SAMD12: variants seen among roughly 807,000 people sequenced by gnomAD.
SAMD12 encodes the protein sterile alpha motif domain containing 12.
In SAMD12, 9 loss-of-function variants were observed where a neutral mutation model predicts 15.0. The ratio of observed to expected loss-of-function variants is 0.60; its 90% CI spans 0.36 to 1.05. SAMD12 has a LOEUF of 1.05. Among genes scored for constraint, SAMD12 ranks in the 50% least tolerant of loss-of-function variants. The probability of loss-of-function intolerance (pLI) is 0.01; values close to 1 mark genes in which losing one functional copy is unlikely to be tolerated. For synonymous variants in SAMD12, 86 were observed against 90.1 expected (o/e 0.96, Z 0.25); for missense variants, 230 against 234.2 (o/e 0.98, Z 0.12).
chr8:118,440,270 T>G (rs1414509098), intron 2 of SAMD12, among the ~76,000 whole-genome samples: 1 of 152,036 alleles, frequency 6.6e-6, no homozygotes, highest in African/African-American at 2.4e-5. Context: ...AAGCAATTAA[T>G]TACATTAAAG....
chr8:118,282,358 G>A, intron 4 of SAMD12: 1 of 456,184 alleles, frequency 2.2e-6, no homozygotes, highest in South Asian at 1.5e-5. Flanking sequence ...CCTTCTCAAT[G>A]CTCTCGTATA....
chr8:118,522,438 G>A (rs1053084270), intron 2 of SAMD12, among the ~76,000 whole-genome samples: 2 of 152,108 alleles, frequency 1.3e-5, no homozygotes, highest in African/African-American at 2.4e-5. Context: ...AAGAATGAGT[G>A]CCCACACAGA....
intron 2 of SAMD12, among the ~76,000 whole-genome samples, chr8:118,514,938 G>A (rs112823202): frequency 1.1e-4 from 17 of 152,282 alleles, no homozygotes; most frequent in African/African-American, 3.6e-4. Context: ...TGGATCATGC[G>A]AACAAACTTC....
In SAMD12 at chr8:118,359,025, G is replaced by A. The variant is rs201873919; in HGVS notation, c.433+20535C>T. ...AAACTGTGTGTGTGTGTGTGTGTGT[G>A]TATATATATATATGTGTGTATTCTC... On this transcript the variant is annotated intron_variant, in intron 4 of 4. Transcript: ENST00000409003. Among the ~76,000 whole-genome samples, 1,327 of 146,818 alleles carry A rather than the reference G, an allele frequency of 9.0e-3. 5 individuals are homozygous for A. Among genetic ancestry groups the A allele is most frequent in the Middle Eastern group, 0.031 (9 of 286 alleles).
chr8:118,531,608 C>A (rs926267353), intron 2 of SAMD12, among the ~76,000 whole-genome samples: 12 of 152,178 alleles, frequency 7.9e-5, no homozygotes, highest in Non-Finnish European at 1.2e-4. Context: ...TTTTGTTGAG[C>A]AGTAGTTTGT....
rs1167200799 is a variant in SAMD12, at chr8:118,580,826, T to A, written c.81A>T (p.Gln27His). The A allele has an allele frequency of 1.2e-6, 2 of 1,613,092 alleles. No homozygotes were observed. Among genetic ancestry groups the A allele is most frequent in the African/African-American group, 2.7e-5 (2 of 74,846 alleles). ...HPAHAEGIKLQIEGEGVESQS... is the reference protein window; with the variant it reads ...HPAHAEGIKLHIEGEGVESQS... ...GAGATTCCACACCTTCACCTTCAATTTGCAGTTTAATACCTTCAGCATGGG... is the reference window on the plus strand; with the variant it reads ...GAGATTCCACACCTTCACCTTCAATATGCAGTTTAATACCTTCAGCATGGG... The change falls in exon 2 of 4, where the codon CAA becomes CAT. Residue 27 changes from glutamine (Q) to histidine (H), a missense_variant. By Grantham distance (24) the Gln-to-His change is conservative. Coordinates refer to ENST00000314727, the MANE Select transcript of SAMD12 (RefSeq NM_207506.3).
chr8:118,369,436 C>A (rs756134110), intron 4 of SAMD12, among the ~76,000 whole-genome samples: 10 of 152,128 alleles, frequency 6.6e-5, no homozygotes, highest in Non-Finnish European at 1.5e-4. Context: ...TGAACGTAGG[C>A]CAGGCACAGT....
In SAMD12 at chr8:118,509,150, A is replaced by G. The variant is rs570445143; in HGVS notation, c.193-69189T>C. Among the ~76,000 whole-genome samples the G allele has an allele frequency of 3.9e-5, 6 of 152,302 alleles. No homozygotes were observed. The South Asian group carries it at 1.2e-3, about 32-fold the overall frequency. The stretch of plus-strand genomic sequence containing the variant: ...TGATCCTGAGTTGATCATTCTGAAG[A>G]GGCAAAAAGATCATGTGTCTAGTCA... On this transcript the variant is annotated intron_variant, in intron 2 of 3. Coordinates refer to ENST00000314727, the MANE Select transcript of SAMD12 (RefSeq NM_207506.3).
chr8:118,158,875 C>T, the SAMD12 span, among the ~76,000 whole-genome samples: 1 of 152,090 alleles, frequency 6.6e-6, no homozygotes, highest in East Asian at 1.9e-4. Context: ...GACAACCTGC[C>T]TGCAGAAAGG....
chr8:118,452,757 T>C (rs981818547), intron 2 of SAMD12, among the ~76,000 whole-genome samples: 7 of 152,230 alleles, frequency 4.6e-5, no homozygotes, highest in Non-Finnish European at 8.8e-5. Context: ...GTAAAAAACA[T>C]GAACTTCTTG....
chr8:118,256,779 T>TACACACACACAC lies in SAMD12; in HGVS notation c.434-59059_434-59048dup, dbSNP rs3052764. ...CTTAATGTAATATATCTGCATAAGATACACACACACACACACACACACACA... is the reference window on the plus strand; with the variant it reads ...CTTAATGTAATATATCTGCATAAGATACACACACACACACACACACACACACACACACACACA... On this transcript the variant is annotated intron_variant, in intron 4 of 4. Transcript: ENST00000409003. 6.7e-4 allele frequency among the ~76,000 whole-genome samples: 94 copies of TACACACACACAC among 139,882 alleles called. 2 individuals carry two copies. The highest frequency in any genetic ancestry group is 2.1e-3 in the Admixed American group (29 of 13,602). The allele number at this position is 139,882 out of a possible 152,430, so 91.8% of individuals were successfully genotyped here. A position where few individuals can be genotyped will look rare whatever the true frequency, so the allele number is the denominator to read the frequency against.
chr8:118,534,730 C>T (rs1206508085), intron 2 of SAMD12, among the ~76,000 whole-genome samples: 9 of 152,292 alleles, frequency 5.9e-5, no homozygotes, highest in Admixed American at 1.3e-4. Flanking sequence ...TCCAGTTGAT[C>T]GAATCGGCTA....
At chr8:118,415,400 T>C (rs1445790053) in intron 3 of SAMD12, among the ~76,000 whole-genome samples, 5 of 150,972 alleles carry the variant, frequency 3.3e-5, no homozygotes, top group South Asian at 4.2e-4. Context: ...TTCAACCAAC[T>C]GGAGAAAATG....
chr8:118,179,134 G>A, the SAMD12 span, among the ~76,000 whole-genome samples: 48 of 152,208 alleles, frequency 3.2e-4, no homozygotes, highest in African/African-American at 1.1e-3. Context: ...ATTATCGGAC[G>A]TGAAAGTAAA....
chr8:118,139,724 T>C, the SAMD12 span, among the ~76,000 whole-genome samples: 1 of 152,326 alleles, frequency 6.6e-6, no homozygotes, highest in African/African-American at 2.4e-5. Context: ...TCTATCTGGC[T>C]ACAATAATAA....
chr8:118,158,733 C>T, the SAMD12 span, among the ~76,000 whole-genome samples: 2 of 152,172 alleles, frequency 1.3e-5, no homozygotes, highest in Non-Finnish European at 2.9e-5. Flanking sequence ...AATCAGCATG[C>T]ACTTCCTCCC....
At chr8:118,259,112 C>G (rs533566644) in intron 4 of SAMD12, among the ~76,000 whole-genome samples, 2 of 152,198 alleles carry the variant, frequency 1.3e-5, no homozygotes, top group Admixed American at 1.3e-4. Context: ...AACCGTGAAA[C>G]ACAGACACAG....
chr8:118,274,455 A>G (rs1243581940), intron 4 of SAMD12, among the ~76,000 whole-genome samples: 1 of 152,200 alleles, frequency 6.6e-6, no homozygotes, highest in Non-Finnish European at 1.5e-5. Context: ...ATGACAGACA[A>G]TACAAAATGT....
chr8:118,528,020 A>T (rs1338043470), intron 2 of SAMD12, among the ~76,000 whole-genome samples: 5 of 118,214 alleles, frequency 4.2e-5, no homozygotes, highest in Admixed American at 3.8e-4. Flanking sequence ...TGTTCTTTAT[A>T]ATATATATAT....
Sources: gnomAD v4.1 joint callset for allele counts (sites outside exome capture counted in the v4.1 genomes callset) on GRCh38, gnomAD v4.1.1 for gene constraint, MANE v1.5 for transcripts, NCBI Gene and HGNC (gene_info 2026-07-23, HGNC 2026-07-21) for gene names.